Variants in LRSAM1 observed in about 807,000 individuals in gnomAD.
LRSAM1 encodes leucine rich repeat and sterile alpha motif containing 1, also known as E3 ubiquitin-protein ligase LRSAM1.
LRSAM1 carries 96 observed loss-of-function variants against 118.1 expected under a neutral mutation model. The observed-to-expected ratio is 0.81, with a 90% CI of 0.69 to 0.96. The LOEUF is 0.96. Among genes scored for constraint, LRSAM1 ranks in the 40% least tolerant of loss-of-function variants. The pLI, the probability that LRSAM1 is intolerant of heterozygous loss-of-function variation, is 0.00. For missense variants in LRSAM1, 804 were observed against 915.5 expected (o/e 0.88, Z 1.57); for synonymous variants, 322 against 364.2 (o/e 0.88, Z 1.32).
intron 9 of LRSAM1, among the ~76,000 whole-genome samples, chr9:127,464,473 G>T (rs905540860): frequency 6.6e-6 from 1 of 152,104 alleles, no homozygotes; most frequent in Non-Finnish European, 1.5e-5. Flanking sequence ...GGAGCACCTG[G>T]AATGTGGCTT....
At position 127,457,272 on chromosome 9, in the gene LRSAM1, C is replaced by CTGCT. The variant is rs1211809905; in HGVS notation, c.175-43_175-40dup. 4 of 1,610,778 alleles carry CTGCT rather than the reference C, an allele frequency of 2.5e-6. No homozygotes were observed. The African/African-American group carries it at 5.3e-5, about 22-fold the overall frequency. On this transcript the variant is annotated intron_variant, in intron 5 of 25. Coordinates refer to ENST00000300417, the MANE Select transcript of LRSAM1 (RefSeq NM_001005373.4). The stretch of plus-strand genomic sequence containing the variant: ...CCACGCCCTTAGCCTGCCCTGCCTG[C>CTGCT]TGCTCTTCCTCAGCCCAGCATGGCC...
rs1835847633 is a variant in LRSAM1, at chr9:127,489,425, C to CT, written c.1348-18dup. ...GTGTGGGCACGGCCCCTGCTGAGGGCTGGTGGTCTGTGTTGCAGAGCGCGA... is the reference window on the plus strand; with the variant it reads ...GTGTGGGCACGGCCCCTGCTGAGGGCTTGGTGGTCTGTGTTGCAGAGCGCGA... On this transcript the variant is annotated intron_variant, in intron 18 of 25. Coordinates refer to ENST00000300417, the MANE Select transcript of LRSAM1 (RefSeq NM_001005373.4). 15 of 1,600,134 alleles carry CT rather than the reference C, an allele frequency of 9.4e-6. No individual in the cohort carries two copies. The highest frequency in any genetic ancestry group is 1.0e-5 in the Non-Finnish European group (12 of 1,174,630).
intron 16 of LRSAM1, among the ~76,000 whole-genome samples, chr9:127,484,748 G>T (rs1276626965): frequency 6.6e-6 from 1 of 150,522 alleles, no homozygotes; most frequent in Non-Finnish European, 1.5e-5. Context: ...AAATGTGTGT[G>T]TACAAACATC....
intron 16 of LRSAM1, among the ~76,000 whole-genome samples, chr9:127,485,282 G>A (rs761611795): frequency 1.2e-4 from 19 of 152,104 alleles, no homozygotes; most frequent in Middle Eastern, 3.2e-3. Flanking sequence ...AGAACAGGCC[G>A]GGCGCAGTGG....
rs975557635 is a variant in LRSAM1, at chr9:127,503,263, C to T, written c.*364C>T. ...TGGGTCCTCATCTGGGGGCCATGCA[C>T]AGGCCCGTCCCACCCTGCATGTGGG... On this transcript the variant is annotated 3_prime_UTR_variant, in exon 26 of 26. Transcript: ENST00000300417. The T allele has an allele frequency of 1.2e-5, 4 of 337,330 alleles. No homozygotes were observed. Among genetic ancestry groups the T allele is most frequent in the African/African-American group, 8.6e-5 (4 of 46,616 alleles). The allele number at this position is 337,330 out of a possible 1,614,324, so 20.9% of individuals were successfully genotyped here. A position where few individuals can be genotyped will look rare whatever the true frequency, so the allele number is the denominator to read the frequency against.
At chr9:127,502,351 G>A (rs776409019) in intron 25 of LRSAM1, among the ~76,000 whole-genome samples, 201 of 152,256 alleles carry the variant, frequency 1.3e-3, no homozygotes, top group Non-Finnish European at 2.1e-4. Context: ...TCAAATGCCC[G>A]AAGGCCCCAC....
chr9:127,473,174 G>A (rs764633749), intron 10 of LRSAM1, among the ~76,000 whole-genome samples: 12 of 152,166 alleles, frequency 7.9e-5, no homozygotes, highest in Non-Finnish European at 7.3e-5. Flanking sequence ...TGACGTGACT[G>A]TATCCTTCCC....
At chr9:127,473,311 C>A (rs1424936491) in intron 10 of LRSAM1, among the ~76,000 whole-genome samples, 2 of 152,174 alleles carry the variant, frequency 1.3e-5, no homozygotes, top group Admixed American at 1.3e-4. Flanking sequence ...ATATTATAGA[C>A]CTAAGGTTAT....
At chr9:127,462,935 C>T (rs938045755) in intron 9 of LRSAM1, among the ~76,000 whole-genome samples, 1 of 152,086 alleles carries the variant, frequency 6.6e-6, no homozygotes, top group African/African-American at 2.4e-5. Flanking sequence ...GTGGCTCACT[C>T]CTGTAATCCC....
At chr9:127,497,145 A>T in intron 23 of LRSAM1, 108 bp from the exon 24 acceptor site, 9 of 1,119,248 alleles carry the variant, frequency 8.0e-6, no homozygotes, top group Non-Finnish European at 1.2e-5. Context: ...CCACATTTCC[A>T]GCAGGAGGTG....
At chr9:127,479,575 A>G in intron 13 of LRSAM1, 70 bp downstream of exon 13, 4 of 1,600,118 alleles carry the variant, frequency 2.5e-6, no homozygotes, top group Non-Finnish European at 2.6e-6. Flanking sequence ...GCTTGGGCCA[A>G]GGTCCCTCGG....
Position 127,473,933 on chromosome 9 carries a change from T to C in LRSAM1, c.750+2T>C, listed in dbSNP as rs76153575. The C allele has an allele frequency of 6.2e-7, 1 of 1,608,532 alleles. No individual in the cohort carries two copies. The highest frequency in any genetic ancestry group is 8.5e-7 in the Non-Finnish European group (1 of 1,178,150). On this transcript the variant is annotated splice_donor_variant, in intron 11 of 25. Coordinates refer to ENST00000300417, the MANE Select transcript of LRSAM1 (RefSeq NM_001005373.4). LOFTEE classifies it high-confidence loss of function. ...TCAAGGGAGGAGTTAGAGTGGCAGG[T>C]AAGACAAGGCAGCCTGCTGCACGCA...
intron 16 of LRSAM1, among the ~76,000 whole-genome samples, chr9:127,483,916 C>A (rs1198753237): frequency 6.8e-6 from 1 of 146,234 alleles, no homozygotes; most frequent in African/African-American, 2.8e-5. Context: ...CCTGCCTCAA[C>A]CTCCTGAAGT....
chr9:127,455,572 T>C lies in LRSAM1; in HGVS notation c.130-4T>C. Reference sequence around the variant, plus strand: ...GACACTTACTCTTCTTTATCTTATCTTAGATTCCATTTGGAGCTTTTGCAA... The same window carrying C: ...GACACTTACTCTTCTTTATCTTATCCTAGATTCCATTTGGAGCTTTTGCAA... On this transcript the variant is annotated splice_region_variant and splice_polypyrimidine_tract_variant and intron_variant, in intron 4 of 25. Transcript: ENST00000300417. 3 of 1,614,132 alleles carry C rather than the reference T, an allele frequency of 1.9e-6. No homozygotes were observed. The South Asian group carries it at 3.3e-5, about 18-fold the overall frequency.
At position 127,492,816 on chromosome 9, in the gene LRSAM1, G is replaced by A. The variant is rs199703262; in HGVS notation, c.1518G>A (p.Glu506=). Residue 506 remains glutamate, a synonymous_variant, in exon 21 of 26, where the codon GAG becomes GAA. Transcript: ENST00000300417. ...CTTGTTCGCAGGAGATGATCTCGGA[G>A]CAGCGCTGGGCCCTCAGCTCCCTGC... ...DTESLQEMIS[E]QRWALSSLLQ... is the part of the protein sequence containing the mutation. 5 of 1,613,848 alleles carry A rather than the reference G, an allele frequency of 3.1e-6. No homozygotes were observed. In the African/African-American group the frequency reaches 4.0e-5, roughly 13 times the overall value.
chr9:127,462,457 A>T (rs1834784535), intron 9 of LRSAM1, 84 bp downstream of exon 9: 1 of 1,601,796 alleles, frequency 6.2e-7, no homozygotes, highest in African/African-American at 1.3e-5. Context: ...GCTTGCTCTG[A>T]TCTCACGGTA....
At chr9:127,495,852 C>G (rs976367327) in intron 22 of LRSAM1, 112 bp from the exon 23 acceptor site, 4 of 1,485,232 alleles carry the variant, frequency 2.7e-6, no homozygotes, top group Middle Eastern at 1.8e-4. Flanking sequence ...TAGGAAAAAT[C>G]CCGAGTACAT....
At chr9:127,457,154 C>G (rs1357397047) in intron 5 of LRSAM1, among the ~76,000 whole-genome samples, 162 bp from the exon 6 acceptor site, 1 of 152,216 alleles carries the variant, frequency 6.6e-6, no homozygotes, top group Non-Finnish European at 1.5e-5. Context: ...CATTAGATTC[C>G]CCATTGGGAG....
chr9:127,468,410 G>A (rs1052220767), intron 10 of LRSAM1, among the ~76,000 whole-genome samples: 26 of 152,192 alleles, frequency 1.7e-4, no homozygotes, highest in African/African-American at 6.0e-4. Flanking sequence ...GCTAAAACCC[G>A]GAGCCAGCAC....
Sources: gnomAD v4.1 joint callset for allele counts (sites outside exome capture counted in the v4.1 genomes callset) on GRCh38, gnomAD v4.1.1 for gene constraint, MANE v1.5 for transcripts, NCBI Gene and HGNC (gene_info 2026-07-23, HGNC 2026-07-21) for gene names.